Variants in CCDC66 observed in about 807,000 individuals in gnomAD.
CCDC66 encodes the protein coiled-coil domain-containing protein 66.
In CCDC66, 133 loss-of-function variants were observed where a neutral mutation model predicts 128.3. The ratio of observed to expected loss-of-function variants is 1.04; its 90% CI spans 0.90 to 1.20. CCDC66 has a LOEUF of 1.20. Among genes scored for constraint, CCDC66 ranks in the 50% most tolerant of loss-of-function variants. The probability of loss-of-function intolerance (pLI) is 0.00; values close to 1 mark genes in which losing one functional copy is unlikely to be tolerated. For synonymous variants in CCDC66, 387 were observed against 357.0 expected (o/e 1.08, Z -0.95); for missense variants, 1,126 against 1,075.5 (o/e 1.05, Z -0.66).
chr3:56,608,002 T>C (rs536552156), intron 10 of CCDC66, among the ~76,000 whole-genome samples: 1 of 152,320 alleles, frequency 6.6e-6, no homozygotes, highest in Admixed American at 6.5e-5. Flanking sequence ...CATGGTGGAT[T>C]ATCTTTTTGA....
Position 56,593,615 on chromosome 3 carries a change from C to T in CCDC66, c.1193C>T (p.Thr398Ile), listed in dbSNP as rs752806242. 9 of 1,614,064 alleles carry T rather than the reference C, an allele frequency of 5.6e-6. No individual in the cohort carries two copies. In the African/African-American group the frequency reaches 9.3e-5, roughly 17 times the overall value. The change falls in exon 9 of 18, where the codon ACT becomes ATT. Residue 398 changes from threonine (T) to isoleucine (I), a missense_variant. By Grantham distance (89) the Thr-to-Ile change is moderately conservative. Coordinates refer to ENST00000394672, the MANE Select transcript of CCDC66 (RefSeq NM_001141947.3). Reference sequence around the variant, plus strand: ...GAGTACTTCTGTGTCTCTCCTGACACTCAGGAGCTGGCTGATGTCAGCAGT... The same window carrying T: ...GAGTACTTCTGTGTCTCTCCTGACATTCAGGAGCTGGCTGATGTCAGCAGT... ...QPEYFCVSPD[T>I]QELADVSSVC...
intron 10 of CCDC66, among the ~76,000 whole-genome samples, chr3:56,598,149 GTTTT>G (rs780176935): frequency 3.0e-4 from 7 of 23,138 alleles, no homozygotes; most frequent in Admixed American, 2.6e-3. Context: ...GTTTTGTTTT[GTTTT>G]GTTTGTTTGT....
intron 3 of CCDC66, chr3:56,563,441 A>G: frequency 2.5e-6 from 1 of 405,548 alleles, no homozygotes; most frequent in Non-Finnish European, 4.4e-6. Context: ...TAATGACATA[A>G]GATTCAAAGC....
intron 7 of CCDC66, among the ~76,000 whole-genome samples, chr3:56,581,827 TG>T (rs1340133687): frequency 6.6e-6 from 1 of 151,846 alleles, no homozygotes; most frequent in African/African-American, 2.4e-5. Flanking sequence ...CGGCCCCTAC[TG>T]GGAGGTGTCT....
At position 56,566,676 on chromosome 3, in the gene CCDC66, G is replaced by T. The variant is rs1187206407; in HGVS notation, c.627G>T (p.Met209Ile). 1.9e-6 allele frequency: 3 copies of T among 1,612,160 alleles called. No homozygotes were observed. Among genetic ancestry groups the T allele is most frequent in the Non-Finnish European group, 2.5e-6 (3 of 1,178,354 alleles). The change falls in exon 5 of 18, where the codon ATG becomes ATT. Residue 209 changes from methionine (M) to isoleucine (I), a missense_variant. Transcript: ENST00000394672. Reference sequence around the variant, plus strand: ...TGGGATTATTCAAAAAAACTGAAATGGTTTCATCTGTCCCAGCTGAAAATA... The same window carrying T: ...TGGGATTATTCAAAAAAACTGAAATTGTTTCATCTGTCCCAGCTGAAAATA... ...NIMGLFKKTE[M>I]VSSVPAENKS...
chr3:56,613,584 A>C lies in CCDC66; in HGVS notation c.1405-5A>C. 1.2e-6 allele frequency: 2 copies of C among 1,606,686 alleles called. No homozygotes were observed. The highest frequency in any genetic ancestry group is 1.1e-5 in the South Asian group (1 of 89,580). ...ACAATGATTTACGTGATTGCTTATG[A>C]CTAGAAAGCCATCACTGCCCAGGTA... On this transcript the variant is annotated splice_polypyrimidine_tract_variant and splice_region_variant and intron_variant, in intron 10 of 17. Coordinates refer to ENST00000394672, the MANE Select transcript of CCDC66 (RefSeq NM_001141947.3).
At position 56,584,067 on chromosome 3, in the gene CCDC66, C is replaced by T. The variant is rs796394100; in HGVS notation, c.937-8903C>T. Among the ~76,000 whole-genome samples the T allele has an allele frequency of 7.8e-3, 1,019 of 131,474 alleles. 27 individuals carry two copies. Among genetic ancestry groups the T allele is most frequent in the Middle Eastern group, 0.013 (3 of 228 alleles). The allele number at this position is 131,474 out of a possible 152,430, so 86.3% of individuals were successfully genotyped here. A position where few individuals can be genotyped will look rare whatever the true frequency, so the allele number is the denominator to read the frequency against. On this transcript the variant is annotated intron_variant, in intron 7 of 17. Coordinates refer to ENST00000394672, the MANE Select transcript of CCDC66 (RefSeq NM_001141947.3). Reference sequence around the variant, plus strand: ...GGGGCGGCTGGCCGGGCGGGGGCTGCCCCCCACCTCCCTCCCGGACGGGGC... The same window carrying T: ...GGGGCGGCTGGCCGGGCGGGGGCTGTCCCCCACCTCCCTCCCGGACGGGGC...
In CCDC66 at chr3:56,618,158, T is replaced by C; in HGVS notation, c.2338-14T>C. ...CTATATATTCCTTTCTGCATTTATC[T>C]ATCCATATTTTAGGAAGAAGAGCCT... is the stretch of plus-strand genomic sequence containing the variant. On this transcript the variant is annotated splice_polypyrimidine_tract_variant and intron_variant, in intron 14 of 17. Transcript: ENST00000394672. 1 of 1,600,806 alleles carries C rather than the reference T, an allele frequency of 6.2e-7. No homozygotes were observed.
At chr3:56,566,441 G>A (rs759862735) in intron 4 of CCDC66, among the ~76,000 whole-genome samples, 153 bp from the exon 5 acceptor site, 5 of 151,892 alleles carry the variant, frequency 3.3e-5, no homozygotes, top group Non-Finnish European at 7.4e-5. Flanking sequence ...TTTTCTTTTT[G>A]ACAGGAAGGG....
chr3:56,619,661 T>C, intron 16 of CCDC66, 116 bp from the exon 17 acceptor site: 3 of 1,485,138 alleles, frequency 2.0e-6, no homozygotes, highest in Non-Finnish European at 1.8e-6. Flanking sequence ...AAATTTTTCT[T>C]AGTACTTTCC....
chr3:56,567,355 A>C (rs530982713), intron 6 of CCDC66, among the ~76,000 whole-genome samples: 19 of 152,316 alleles, frequency 1.2e-4, no homozygotes, highest in African/African-American at 4.3e-4. Context: ...GTGCCACTGC[A>C]CTCCAGCTGG....
At chr3:56,613,867 AC>A in intron 11 of CCDC66, 117 bp downstream of exon 11, 1 of 779,792 alleles carries the variant, frequency 1.3e-6, no homozygotes, top group Non-Finnish European at 2.1e-6. Flanking sequence ...TGCAGTCTTG[AC>A]CTCTGGGCAC....
rs1027736031 is a variant in CCDC66 at position 56,593,574 on chromosome 3, A to G, written c.1152A>G (p.Ser384=). 69 of 1,614,084 alleles carry G rather than the reference A, an allele frequency of 4.3e-5. No individual in the cohort carries two copies. Among genetic ancestry groups the G allele is most frequent in the Non-Finnish European group, 5.6e-5 (66 of 1,180,026 alleles). Residue 384 remains serine, a synonymous_variant, in exon 9 of 18, where the codon TCA becomes TCG. Transcript: ENST00000394672. ...PGSQSQLFSQ[S]THKQPEYFCV... ...CTCAATCTCAGCTGTTCTCTCAGTC[A>G]ACACACAAACAACCTGAGTACTTCT...
chr3:56,603,591 C>T (rs1166460260), intron 10 of CCDC66, among the ~76,000 whole-genome samples: 1 of 151,954 alleles, frequency 6.6e-6, no homozygotes, highest in African/African-American at 2.4e-5. Context: ...CGTAGTTGAG[C>T]GGTTTTGAGT....
intron 10 of CCDC66, among the ~76,000 whole-genome samples, chr3:56,597,148 G>A (rs2072127291): frequency 6.6e-6 from 1 of 151,888 alleles, no homozygotes; most frequent in Non-Finnish European, 1.5e-5. Flanking sequence ...ATTATTTATT[G>A]AAGAGTGTGT....
chr3:56,578,002 C>T (rs2067675514), intron 7 of CCDC66, among the ~76,000 whole-genome samples: 1 of 151,854 alleles, frequency 6.6e-6, no homozygotes, highest in Admixed American at 6.6e-5. Flanking sequence ...CTATACATTA[C>T]TTTGGGCAGT....
chr3:56,567,504 T>G (rs1446367853), intron 6 of CCDC66, among the ~76,000 whole-genome samples: 1 of 152,170 alleles, frequency 6.6e-6, no homozygotes, highest in Non-Finnish European at 1.5e-5. Context: ...GGCAAATTAA[T>G]AAAAGGCATA....
Position 56,559,105 on chromosome 3 carries a change from A to G in CCDC66, c.76+195A>G, listed in dbSNP as rs74890910. On this transcript the variant is annotated intron_variant, in intron 2 of 17. Transcript: ENST00000394672. Reference sequence around the variant, plus strand: ...TACAACACTGCTTACTACTGTCAGTATTCAGACTCATAACATTTAATGTTC... The same window carrying G: ...TACAACACTGCTTACTACTGTCAGTGTTCAGACTCATAACATTTAATGTTC... 4.5e-4 allele frequency among the ~76,000 whole-genome samples: 68 copies of G among 152,334 alleles called. 1 individual carries two copies. The East Asian group carries it at 0.012, about 27-fold the overall frequency.
At chr3:56,615,002 T>C (rs536915076) in intron 11 of CCDC66, 126 bp from the exon 12 acceptor site, 1 of 857,326 alleles carries the variant, frequency 1.2e-6, no homozygotes, top group Non-Finnish European at 1.8e-6. Flanking sequence ...TTGTTGACTG[T>C]TGTACCCTTA....
Sources: gnomAD v4.1 joint callset for allele counts (sites outside exome capture counted in the v4.1 genomes callset) on GRCh38, gnomAD v4.1.1 for gene constraint, MANE v1.5 for transcripts, NCBI Gene and HGNC (gene_info 2026-07-23, HGNC 2026-07-21) for gene names.